Variants in CDHR2 observed in about 807,000 individuals in gnomAD.
CDHR2 encodes the protein cadherin-related family member 2.
Under a neutral mutation model 138.6 loss-of-function variants are expected in CDHR2, and 104 were observed. That is an observed-to-expected ratio of 0.75 (90% CI 0.64 to 0.88). CDHR2 has a LOEUF of 0.88. Ranked by LOEUF, CDHR2 falls within the 40% of genes least tolerant of loss-of-function variation. CDHR2 has a pLI of 0.00. For missense variants in CDHR2, 1,624 were observed against 1,727.6 expected, an observed-to-expected ratio of 0.94 and a Z score of 1.06; for synonymous variants, 755 against 742.8, an observed-to-expected ratio of 1.02 and a Z score of -0.27.
At chr5:176,581,273 C>T (rs951887520) in intron 16 of CDHR2, 70 bp from the exon 17 acceptor site, 19 of 1,586,122 alleles carry the variant, frequency 1.2e-5, no homozygotes, top group South Asian at 6.8e-5. Flanking sequence ...GAGGAGGGTC[C>T]GGCTGCATCG....
chr5:176,590,798 T>A, intron 28 of CDHR2, 111 bp downstream of exon 28: 2 of 1,422,064 alleles, frequency 1.4e-6, no homozygotes, highest in Non-Finnish European at 1.9e-6. Context: ...ATACATGCAT[T>A]CACTCCCCAG....
intron 1 of CDHR2, among the ~76,000 whole-genome samples, chr5:176,562,182 G>T (rs1360518005): frequency 6.6e-6 from 1 of 152,138 alleles, no homozygotes; most frequent in East Asian, 1.9e-4. Context: ...GAAGGGTTTT[G>T]AGTGAGGGCG....
Position 176,590,453 on chromosome 5 carries a change from A to C in CDHR2, c.3382A>C (p.Thr1128Pro), listed in dbSNP as rs936392097. 2 of 1,613,972 alleles carry C rather than the reference A, an allele frequency of 1.2e-6. No individual in the cohort carries two copies. The highest frequency in any genetic ancestry group is 1.7e-6 in the Non-Finnish European group (2 of 1,179,934). The change falls in exon 27 of 32, where the codon ACG becomes CCG. Residue 1128 changes from threonine (T) to proline (P), a missense_variant. Transcript: ENST00000261944. Reference protein sequence around the residue: ...VMIRNDQDSLTQLLQLGLVVL... With the variant: ...VMIRNDQDSLPQLLQLGLVVL... ...GATCCGGAATGATCAGGACTCGCTG[A>C]CGCAGCTGCTGCAGCTGGGGCTGGT...
chr5:176,569,574 G>A (rs894743991), intron 5 of CDHR2, among the ~76,000 whole-genome samples: 3 of 152,114 alleles, frequency 2.0e-5, no homozygotes, highest in African/African-American at 2.4e-5. Context: ...GAGCCACCAC[G>A]CCCGGCCTAA....
chr5:176,589,364 AC>A lies in CDHR2; in HGVS notation c.3045del (p.Tyr1016ThrfsTer3). 1 of 1,558,680 alleles carries A rather than the reference AC, an allele frequency of 6.4e-7. No individual in the cohort carries two copies. Among genetic ancestry groups the A allele is most frequent in the Non-Finnish European group, 8.7e-7 (1 of 1,151,680 alleles). On this transcript the variant is annotated frameshift_variant, in exon 23 of 32. Coordinates refer to ENST00000261944, the MANE Select transcript of CDHR2 (RefSeq NM_017675.6). LOFTEE classifies it high-confidence loss of function. ...VTSLDSTLQG[T>X]YQVTVQARDR... ...CAGCCTCGACTCCACTCTCCAAGGC[AC>A]CTACCAAGTGACAGTCCAGGCCAGG...
chr5:176,581,227 C>T, intron 16 of CDHR2, 116 bp from the exon 17 acceptor site: 5 of 1,378,532 alleles, frequency 3.6e-6, no homozygotes, highest in Non-Finnish European at 4.9e-6. Flanking sequence ...CCAGGGGCTC[C>T]AGGCCTGATG....
At chr5:176,572,349 T>C (rs952613316) in intron 6 of CDHR2, among the ~76,000 whole-genome samples, 6 of 150,764 alleles carry the variant, frequency 4.0e-5, no homozygotes, top group Admixed American at 2.0e-4. Context: ...GATTGCACCA[T>C]TGCACTCCAG....
intron 1 of CDHR2, among the ~76,000 whole-genome samples, chr5:176,558,263 T>C (rs1337339691): frequency 6.7e-6 from 1 of 149,112 alleles, no homozygotes; most frequent in African/African-American, 2.5e-5. Context: ...TCGCCCAGGC[T>C]GGAGTGCAGT....
rs1015362533 is a variant in CDHR2, at chr5:176,586,786, C to T, written c.2807-7C>T. On this transcript the variant is annotated splice_polypyrimidine_tract_variant and splice_region_variant and intron_variant, in intron 20 of 31. Transcript: ENST00000261944. ...CCCGCTGACCCCGTTCCCGTTCACA[C>T]CTGCAGTGATCATCCCTGAACTCGT... 1.5e-5 allele frequency: 24 copies of T among 1,605,868 alleles called. No individual in the cohort carries two copies. Among genetic ancestry groups the T allele is most frequent in the Non-Finnish European group, 2.6e-6 (3 of 1,176,116 alleles).
chr5:176,594,162 C>T (rs904489331), intron 31 of CDHR2, among the ~76,000 whole-genome samples: 5 of 152,106 alleles, frequency 3.3e-5, no homozygotes, highest in South Asian at 2.1e-4. Flanking sequence ...GGGGACAAGT[C>T]ACGGAAAGTC....
intron 21 of CDHR2, 66 bp from the exon 22 acceptor site, chr5:176,588,965 C>T: frequency 6.4e-7 from 1 of 1,560,712 alleles, no homozygotes; most frequent in African/African-American, 1.4e-5. Context: ...TGCCTCTGAT[C>T]CCTGCTGGGG....
intron 3 of CDHR2, among the ~76,000 whole-genome samples, chr5:176,567,827 C>T (rs1409217675): frequency 1.3e-5 from 2 of 152,214 alleles, no homozygotes; most frequent in African/African-American, 4.8e-5. Context: ...ATGGGGGTCT[C>T]GCTATGTGCC....
At chr5:176,587,950 T>G (rs1758707846) in intron 21 of CDHR2, among the ~76,000 whole-genome samples, 1 of 152,242 alleles carries the variant, frequency 6.6e-6, no homozygotes, top group African/African-American at 2.4e-5. Flanking sequence ...CACGGCAATT[T>G]TCTTTAAATA....
At chr5:176,574,053 A>C (rs937125717) in intron 6 of CDHR2, 30 bp from the exon 7 acceptor site, 4 of 1,561,574 alleles carry the variant, frequency 2.6e-6, no homozygotes, top group Non-Finnish European at 3.5e-6. Flanking sequence ...GCTGGATTTG[A>C]GCTCATAGGT....
chr5:176,571,298 A>G lies in CDHR2; in HGVS notation c.401A>G (p.Asn134Ser). ...AACACCGCTTTCTCCACCAGCATCA[A>G]CGAGGTGACACCTGCCTTAATGTGG... Reference protein sequence around the residue: ...FQNTAFSTSINETLPVGSVVF... With the variant: ...FQNTAFSTSISETLPVGSVVF... Residue 134 changes from asparagine (N) to serine (S), a missense_variant, in exon 6 of 32, where the codon AAC becomes AGC. Transcript: ENST00000261944. 6.2e-7 allele frequency: 1 copy of G among 1,605,254 alleles called. No individual in the cohort carries two copies. The highest frequency in any genetic ancestry group is 1.1e-5 in the South Asian group (1 of 90,220).
At chr5:176,577,596 C>A in intron 13 of CDHR2, 41 bp from the exon 14 acceptor site, 3 of 1,613,780 alleles carry the variant, frequency 1.9e-6, no homozygotes, top group South Asian at 2.2e-5. Flanking sequence ...AGCCGAGGGG[C>A]ACTTGGGCCC....
chr5:176,592,656 T>C lies in CDHR2; in HGVS notation c.3735-67T>C, dbSNP rs1758918633. On this transcript the variant is annotated intron_variant, in intron 30 of 31. Transcript: ENST00000261944. The stretch of plus-strand genomic sequence containing the variant: ...ATGGTGATGGTGGTGATGGAGGTGG[T>C]GGTTCTTGGGCACAGTAAGGGAGGA... The C allele has an allele frequency of 6.0e-6, 8 of 1,331,314 alleles. No individual in the cohort carries two copies. The East Asian group carries it at 1.6e-4, about 27-fold the overall frequency. 82.5% of individuals were successfully genotyped at this position (1,331,314 alleles called of 1,614,324 possible). A position where few individuals can be genotyped will look rare whatever the true frequency, so the allele number is the denominator to read the frequency against.
rs115404865 is a variant in CDHR2 at position 176,581,502 on chromosome 5, C to T, written c.1978C>T (p.Arg660Cys). 2.8e-4 allele frequency: 445 copies of T among 1,614,168 alleles called. 3 individuals carry two copies. The East Asian group carries it at 9.1e-3, about 33-fold the overall frequency. Residue 660 changes from arginine (R) to cysteine (C), a missense_variant, in exon 17 of 32, where the codon CGC (arginine) becomes TGC (cysteine). By Grantham distance (180) the Arg-to-Cys change is radical (BLOSUM62 -3). Around this residue, in one of 3 missense-constraint regions of CDHR2, gnomAD observed 1,061 missense variants for 1,136.6 expected, o/e 0.93. Transcript: ENST00000261944. ...REAIDPALEGRIVLTVLVSDC... is the reference protein window; with the variant it reads ...REAIDPALEGCIVLTVLVSDC... ...GGCCATCGACCCCGCCCTGGAGGGC[C>T]GCATTGTGCTGACAGTGCTTGTGTC...
At chr5:176,558,239 G>T (rs1183175544) in intron 1 of CDHR2, among the ~76,000 whole-genome samples, 1 of 144,364 alleles carries the variant, frequency 6.9e-6, no homozygotes, top group Non-Finnish European at 1.5e-5. Context: ...TTTTTGAGAC[G>T]GAGTCTCACT....
Sources: allele counts gnomAD v4.1 joint callset (sites outside exome capture counted in the v4.1 genomes callset), GRCh38; gene constraint gnomAD v4.1.1; regional missense constraint gnomAD v4.1.1; transcripts MANE v1.5; gene names NCBI Gene and HGNC (gene_info 2026-07-23, HGNC 2026-07-21).